ATRNL1: variants seen among roughly 807,000 people sequenced by gnomAD.
ATRNL1 encodes the protein attractin like 1, also known as attractin-like protein 1.
In ATRNL1, 95 loss-of-function variants were observed where a neutral mutation model predicts 182.7. The ratio of observed to expected loss-of-function variants is 0.52; its 90% confidence interval spans 0.44 to 0.62. The LOEUF (loss-of-function observed/expected upper bound fraction) is 0.62. Among genes scored for constraint, ATRNL1 ranks in the 20% least tolerant of loss-of-function variants. The pLI, the probability that ATRNL1 is intolerant of heterozygous loss-of-function variation, is 0.00. For synonymous variants in ATRNL1, 576 were observed against 568.3 expected (o/e 1.01, Z -0.19); for missense variants, 1,471 against 1,679.5 (o/e 0.88, Z 2.17).
At chr10:115,299,669 G>A (rs1326721647) in intron 15 of ATRNL1, among the ~76,000 whole-genome samples, 1 of 151,822 alleles carries the variant, frequency 6.6e-6, no homozygotes, top group Non-Finnish European at 1.5e-5. Context: ...ATTGATAGTA[G>A]TAATAGTAAT....
At chr10:115,098,903 AT>A (rs1259622502) in intron 1 of ATRNL1, among the ~76,000 whole-genome samples, 1 of 152,226 alleles carries the variant, frequency 6.6e-6, no homozygotes, top group Non-Finnish European at 1.5e-5. Flanking sequence ...TTTAAACAAA[AT>A]TTTTAAGAGA....
chr10:115,462,017 T>C lies in ATRNL1; in HGVS notation c.3399T>C (p.Phe1133=). The C allele has an allele frequency of 1.2e-6, 2 of 1,608,728 alleles. No individual in the cohort carries two copies. The highest frequency in any genetic ancestry group is 1.7e-6 in the Non-Finnish European group (2 of 1,176,978). The change falls in exon 22 of 29, where the codon TTT becomes TTC. Residue 1133 remains phenylalanine (F), a synonymous_variant. Transcript: ENST00000355044. Reference sequence around the variant, plus strand: ...ATCGCCACCATACTGCCATAAACTTTATAGCAAACCCAGAACAGGTGAGGA... The same window carrying C: ...ATCGCCACCATACTGCCATAAACTTCATAGCAAACCCAGAACAGGTGAGGA... ...EDDRHHTAIN[F]IANPEQSNKN... is the part of the protein sequence containing the mutation.
At chr10:115,322,455 C>G (rs1431650296) in intron 18 of ATRNL1, among the ~76,000 whole-genome samples, 5 of 151,796 alleles carry the variant, frequency 3.3e-5, no homozygotes, top group African/African-American at 4.8e-5. Context: ...AAACATGTTA[C>G]ATTTTTATGG....
Position 115,643,158 on chromosome 10 carries a change from A to G in ATRNL1, c.3796-84090A>G, listed in dbSNP as rs185704045. 5.0e-3 allele frequency among the ~76,000 whole-genome samples: 763 copies of G among 152,340 alleles called. 6 individuals carry two copies. Among genetic ancestry groups the G allele is most frequent in the African/African-American group, 0.017 (723 of 41,580 alleles). On this transcript the variant is annotated intron_variant, in intron 26 of 28. Coordinates refer to ENST00000355044, the MANE Select transcript of ATRNL1 (RefSeq NM_207303.4). Reference sequence around the variant, plus strand: ...GAGTAGATCCATATATCAATAAAACATAAATATACCCACATATATATGATC... The same window carrying G: ...GAGTAGATCCATATATCAATAAAACGTAAATATACCCACATATATATGATC...
intron 26 of ATRNL1, among the ~76,000 whole-genome samples, chr10:115,721,185 T>G (rs1947411838): frequency 6.6e-6 from 1 of 152,208 alleles, no homozygotes; most frequent in South Asian, 2.1e-4. Context: ...GATTGTGTCT[T>G]GGTCATATGA....
chr10:115,886,708 C>T (rs1951953948), intron 28 of ATRNL1, among the ~76,000 whole-genome samples: 1 of 152,146 alleles, frequency 6.6e-6, no homozygotes, highest in Non-Finnish European at 1.5e-5. Flanking sequence ...ATCTAAGTAA[C>T]AGTAAAATTA....
intron 26 of ATRNL1, among the ~76,000 whole-genome samples, chr10:115,607,814 A>G (rs968719077): frequency 7.2e-5 from 11 of 151,980 alleles, no homozygotes; most frequent in Admixed American, 2.6e-4. Context: ...CTAAATCACT[A>G]TTCTAGTGAT....
intron 13 of ATRNL1, among the ~76,000 whole-genome samples, chr10:115,274,307 A>G (rs1852006623): frequency 1.3e-5 from 2 of 152,200 alleles, no homozygotes; most frequent in South Asian, 2.1e-4. Context: ...TAAATGGGTC[A>G]AAGTAACATA....
intron 18 of ATRNL1, among the ~76,000 whole-genome samples, chr10:115,329,134 T>C (rs1554934302): frequency 6.6e-6 from 1 of 152,094 alleles, no homozygotes; most frequent in African/African-American, 2.4e-5. Context: ...TTTTTCACTG[T>C]CAATTTTATA....
At chr10:115,696,123 C>T (rs1565295097) in intron 26 of ATRNL1, among the ~76,000 whole-genome samples, 2 of 152,058 alleles carry the variant, frequency 1.3e-5, no homozygotes, top group Non-Finnish European at 2.9e-5. Context: ...TGGTCTCGAT[C>T]TCCTGAGCTC....
chr10:115,912,241 A>G (rs1484016263), intron 28 of ATRNL1, among the ~76,000 whole-genome samples: 1 of 152,240 alleles, frequency 6.6e-6, no homozygotes, highest in East Asian at 1.9e-4. Context: ...ACAGAAATCA[A>G]TTAAGGAAAT....
intron 2 of ATRNL1, 115 bp downstream of exon 2, chr10:115,120,383 T>C (rs569645275): frequency 3.8e-6 from 2 of 522,236 alleles, no homozygotes; most frequent in Admixed American, 7.9e-5. Flanking sequence ...TGTTTATTAT[T>C]AGATAATATT....
chr10:115,299,910 A>G, intron 15 of ATRNL1, 124 bp from the exon 16 acceptor site: 1 of 667,590 alleles, frequency 1.5e-6, no homozygotes, highest in Non-Finnish European at 2.5e-6. Context: ...ACTAAAACTC[A>G]TTAGAAAGGC....
chr10:115,595,472 T>C (rs1455916211), intron 26 of ATRNL1, among the ~76,000 whole-genome samples: 2 of 152,238 alleles, frequency 1.3e-5, no homozygotes, highest in Non-Finnish European at 2.9e-5. Context: ...TGGTAATTTA[T>C]TTTCCATTTA....
chr10:115,476,432 A>T (rs1384256031), intron 24 of ATRNL1, among the ~76,000 whole-genome samples: 2 of 151,134 alleles, frequency 1.3e-5, no homozygotes, highest in African/African-American at 4.8e-5. Flanking sequence ...TCAATGTCTG[A>T]GATTATTGCT....
intron 24 of ATRNL1, among the ~76,000 whole-genome samples, chr10:115,477,837 T>C (rs1848600833): frequency 6.6e-6 from 1 of 151,662 alleles, no homozygotes; most frequent in Non-Finnish European, 1.5e-5. Flanking sequence ...AAGGCTTCAG[T>C]TATTGTGATT....
intron 26 of ATRNL1, among the ~76,000 whole-genome samples, chr10:115,624,602 C>CGTTCAGT (rs1235260159): frequency 1.3e-5 from 2 of 152,106 alleles, no homozygotes; most frequent in Non-Finnish European, 2.9e-5. Flanking sequence ...CCCAACTCTG[C>CGTTCAGT]GTTCAGTGTC....
chr10:115,922,213 T>G (rs1953087456), intron 28 of ATRNL1, among the ~76,000 whole-genome samples: 1 of 152,308 alleles, frequency 6.6e-6, no homozygotes, highest in Non-Finnish European at 1.5e-5. Context: ...GAAAATATTT[T>G]TATTTTAATA....
At chr10:115,625,533 T>G (rs1270978658) in intron 26 of ATRNL1, among the ~76,000 whole-genome samples, 2 of 151,910 alleles carry the variant, frequency 1.3e-5, no homozygotes, top group African/African-American at 4.8e-5. Context: ...AACAAAAAAG[T>G]TTAGAAAAGA....
Sources: gnomAD v4.1 joint callset for allele counts (sites outside exome capture counted in the v4.1 genomes callset) on GRCh38, gnomAD v4.1.1 for gene constraint, MANE v1.5 for transcripts, NCBI Gene and HGNC (gene_info 2026-07-23, HGNC 2026-07-21) for gene names.